The following IL1RAPL1 variants were observed in gnomAD, a reference collection of about 807,000 sequenced individuals.
IL1RAPL1 encodes the protein interleukin 1 receptor accessory protein like 1.
IL1RAPL1 carries 3 observed loss-of-function variants against 48.4 expected under a neutral mutation model. That is an observed-to-expected ratio of 0.06 (90% CI 0.03 to 0.16). The LOEUF (loss-of-function observed/expected upper bound fraction) is 0.16, where lower values mean the gene tolerates loss of function less well. IL1RAPL1 is among the 10% of genes least tolerant of loss of function. The pLI, the probability that IL1RAPL1 is intolerant of heterozygous loss-of-function variation, is 1.00. For missense variants in IL1RAPL1, 349 were observed against 530.6 expected (o/e 0.66, Z 3.36); for synonymous variants, 185 against 187.7 (o/e 0.99, Z 0.12).
rs57102687 is a variant in IL1RAPL1 at position 29,641,001 on chromosome X, TAAA to T, written c.704-27418_704-27416del. ...GTCACAAAGTGAGAACCCCATCTCT[TAAA>T]AAAAAAAAAATTAAAAATTAGCTAG... On this transcript the variant is annotated intron_variant, in intron 5 of 10. Coordinates refer to ENST00000378993, the MANE Select transcript of IL1RAPL1 (RefSeq NM_014271.4). Among the ~76,000 whole-genome samples, 248 of 103,702 alleles carry T rather than the reference TAAA, an allele frequency of 2.4e-3. 2 individuals carry two copies. The highest frequency in any genetic ancestry group is 8.2e-3 in the African/African-American group (234 of 28,553). The allele number at this position is 103,702 out of a possible 115,157, so 90.1% of individuals were successfully genotyped here.
rs754831695 is a variant in IL1RAPL1, at chrX:29,635,579, A to G, written c.704-32851A>G. Among the ~76,000 whole-genome samples the G allele has an allele frequency of 5.4e-5, 6 of 111,650 alleles. No individual in the cohort carries two copies. In the South Asian group the frequency reaches 2.2e-3, roughly 41 times the overall value. ...AGTTCTGGAGGTTATATGTTACCAA[A>G]ATGAGTGAATAAACTGGCAAAGAAG... On this transcript the variant is annotated intron_variant, in intron 5 of 10. Coordinates refer to ENST00000378993, the MANE Select transcript of IL1RAPL1 (RefSeq NM_014271.4).
At chrX:29,255,765 C>T (rs1931746747) in intron 2 of IL1RAPL1, among the ~76,000 whole-genome samples, 1 of 110,982 alleles carries the variant, frequency 9.0e-6, no homozygotes, top group African/African-American at 3.3e-5. Context: ...CAGCTGCATC[C>T]GTGTTGCTGC....
chrX:28,707,115 A>G (rs1176513687), intron 1 of IL1RAPL1, among the ~76,000 whole-genome samples: 5 of 112,336 alleles, frequency 4.5e-5, no homozygotes, highest in African/African-American at 1.6e-4. Context: ...CTTGGTGCCC[A>G]TCCACATGCC....
chrX:29,554,674 T>G (rs898777495), intron 5 of IL1RAPL1, among the ~76,000 whole-genome samples: 3 of 111,297 alleles, frequency 2.7e-5, no homozygotes, highest in Non-Finnish European at 5.7e-5. Context: ...GCTATGTAAG[T>G]CTCCTAAAGC....
intron 2 of IL1RAPL1, among the ~76,000 whole-genome samples, chrX:28,956,849 C>G (rs1463240852): frequency 1.9e-5 from 2 of 107,640 alleles, no homozygotes; most frequent in African/African-American, 3.4e-5. Context: ...ACCAGTTCCT[C>G]CTTGTACCTC....
At chrX:29,383,050 G>A (rs930081825) in intron 3 of IL1RAPL1, among the ~76,000 whole-genome samples, 3 of 112,110 alleles carry the variant, frequency 2.7e-5, no homozygotes, top group African/African-American at 9.7e-5. Flanking sequence ...CAGTGCTGAT[G>A]GATTTTGAAT....
At chrX:29,859,483 A>T (rs955997753) in intron 6 of IL1RAPL1, among the ~76,000 whole-genome samples, 4 of 111,843 alleles carry the variant, frequency 3.6e-5, no homozygotes, top group Non-Finnish European at 7.5e-5. Context: ...CCCTCCTCAG[A>T]TAACACCTCT....
chrX:28,958,673 A>G (rs1278271628), intron 2 of IL1RAPL1, among the ~76,000 whole-genome samples: 1 of 111,041 alleles, frequency 9.0e-6, no homozygotes. Context: ...ATTTTGCAAA[A>G]CTCCTCTAAC....
chrX:29,613,084 G>T (rs1924143356), intron 5 of IL1RAPL1, among the ~76,000 whole-genome samples: 1 of 111,860 alleles, frequency 8.9e-6, no homozygotes, highest in African/African-American at 3.2e-5. Flanking sequence ...TTCTGAAGTG[G>T]CTCTTCTACA....
At chrX:28,792,816 AATATATATATATAT>A (rs1555924328) in intron 2 of IL1RAPL1, among the ~76,000 whole-genome samples, 1 of 10,108 alleles carries the variant, frequency 9.9e-5, no homozygotes, top group Non-Finnish European at 1.8e-4. Flanking sequence ...AAAAAAAAAA[AATATATATATATAT>A]ATATATATAT....
At chrX:28,785,057 A>T (rs144810911) in intron 1 of IL1RAPL1, among the ~76,000 whole-genome samples, 172 of 112,068 alleles carry the variant, frequency 1.5e-3, no homozygotes, top group African/African-American at 5.2e-3. Context: ...GACTCTTTTG[A>T]TTATGCCCAC....
At chrX:29,565,548 G>C (rs1295513186) in intron 5 of IL1RAPL1, among the ~76,000 whole-genome samples, 1 of 112,096 alleles carries the variant, frequency 8.9e-6, no homozygotes, top group African/African-American at 3.2e-5. Context: ...TAGTTTTTCA[G>C]CTTCACTGTT....
At chrX:29,037,883 A>G (rs994128807) in intron 2 of IL1RAPL1, among the ~76,000 whole-genome samples, 4 of 111,721 alleles carry the variant, frequency 3.6e-5, no homozygotes, top group East Asian at 2.8e-4. Flanking sequence ...TCAGTTTTCA[A>G]TGATCCAATA....
chrX:29,307,728 T>C (rs1050122176), intron 3 of IL1RAPL1, among the ~76,000 whole-genome samples: 6 of 112,163 alleles, frequency 5.3e-5, no homozygotes, highest in African/African-American at 1.9e-4. Flanking sequence ...GCACTGAATG[T>C]AAGATGCCAA....
At chrX:29,040,762 C>G (rs1186437302) in intron 2 of IL1RAPL1, among the ~76,000 whole-genome samples, 1 of 111,815 alleles carries the variant, frequency 8.9e-6, no homozygotes, top group African/African-American at 3.3e-5. Flanking sequence ...TGGGTCGGCT[C>G]CTAATCAAGA....
intron 6 of IL1RAPL1, among the ~76,000 whole-genome samples, chrX:29,729,235 G>A (rs895893972): frequency 2.0e-4 from 22 of 111,390 alleles, no homozygotes; most frequent in African/African-American, 6.5e-4. Flanking sequence ...TAGTGCCAAC[G>A]TCCATTGACA....
intron 2 of IL1RAPL1, among the ~76,000 whole-genome samples, chrX:28,856,017 A>C (rs747546124): frequency 8.9e-6 from 1 of 111,941 alleles, no homozygotes. Flanking sequence ...TGGTCATATA[A>C]ATTGTTAGCA....
intron 5 of IL1RAPL1, among the ~76,000 whole-genome samples, chrX:29,504,227 G>A (rs1433776712): frequency 9.0e-6 from 1 of 111,322 alleles, no homozygotes; most frequent in South Asian, 3.8e-4. Context: ...TTCTGAATTT[G>A]TTGAGGCTTG....
intron 2 of IL1RAPL1, among the ~76,000 whole-genome samples, chrX:28,819,274 G>C (rs1936903186): frequency 1.8e-5 from 2 of 111,446 alleles, no homozygotes; most frequent in Middle Eastern, 4.7e-3. Context: ...ATCTTGATAT[G>C]TCAAGTGATT....
Sources: gnomAD v4.1 joint callset for allele counts (sites outside exome capture counted in the v4.1 genomes callset) on GRCh38, gnomAD v4.1.1 for gene constraint, MANE v1.5 for transcripts, NCBI Gene and HGNC (gene_info 2026-07-23, HGNC 2026-07-21) for gene names.